Variants in WBP1L observed in about 807,000 individuals in gnomAD.
The protein encoded by WBP1L is WW domain binding protein 1 like.
A neutral mutation model predicts 33.7 loss-of-function variants in WBP1L; 17 were observed. The observed-to-expected ratio is 0.50, with a 90% confidence interval of 0.34 to 0.76. The LOEUF (loss-of-function observed/expected upper bound fraction) is 0.76, where lower values mean the gene tolerates loss of function less well. WBP1L is among the 30% of genes least tolerant of loss of function. The probability of loss-of-function intolerance (pLI) is 0.01; values close to 1 mark genes in which losing one functional copy is unlikely to be tolerated. For missense variants in WBP1L, 389 were observed against 469.4 expected (o/e 0.83, Z 1.58); for synonymous variants, 173 against 190.8 (o/e 0.91, Z 0.77).
intron 1 of WBP1L, among the ~76,000 whole-genome samples, chr10:102,758,682 G>A (rs960847388): frequency 6.6e-6 from 1 of 152,182 alleles, no homozygotes; most frequent in Non-Finnish European, 1.5e-5. Context: ...AGCTGGGCCT[G>A]GGGGACCACT....
Position 102,804,425 on chromosome 10 carries a change from A to ATTTTTT in WBP1L, c.194-5468_194-5467insTTTTTT, listed in dbSNP as rs1564769144. Among the ~76,000 whole-genome samples, 213 of 150,284 alleles carry ATTTTTT rather than the reference A, an allele frequency of 1.4e-3. 1 individual carries two copies. The highest frequency in any genetic ancestry group is 4.9e-3 in the African/African-American group (198 of 40,710). On this transcript the variant is annotated intron_variant, in intron 2 of 3. Transcript: ENST00000448841. ...AAAAAAGCCCTTTTTTTTTTAAAAA[A>ATTTTTT]AAAATTATACTTCTGGTTCAGTGAA...
chr10:102,790,503 A>G (rs1185314368), intron 1 of WBP1L, among the ~76,000 whole-genome samples: 1 of 151,958 alleles, frequency 6.6e-6, no homozygotes, highest in African/African-American at 2.4e-5. Context: ...CTTATCTTCA[A>G]CAGAACTTTA....
chr10:102,769,723 G>A (rs973245880), intron 1 of WBP1L, among the ~76,000 whole-genome samples: 2 of 152,196 alleles, frequency 1.3e-5, no homozygotes, highest in Admixed American at 6.5e-5. Flanking sequence ...GTCCTTGAAC[G>A]AGTTACCTAA....
chr10:102,791,067 T>C (rs1196515505), intron 1 of WBP1L, among the ~76,000 whole-genome samples: 1 of 152,228 alleles, frequency 6.6e-6, no homozygotes, highest in African/African-American at 2.4e-5. Flanking sequence ...AGTGGGCTAA[T>C]GTTTTTTCTA....
chr10:102,775,200 A>G (rs888096427), intron 1 of WBP1L, among the ~76,000 whole-genome samples: 9 of 152,004 alleles, frequency 5.9e-5, no homozygotes, highest in Admixed American at 5.2e-4. Flanking sequence ...ATTTCTGGAA[A>G]TCCGAACCCA....
intron 1 of WBP1L, among the ~76,000 whole-genome samples, chr10:102,780,030 A>G (rs538053077): frequency 1.3e-5 from 2 of 152,344 alleles, no homozygotes; most frequent in African/African-American, 2.4e-5. Context: ...GGGCAAGATA[A>G]GGACCTTAGT....
chr10:102,744,575 A>G (rs557705502), intron 1 of WBP1L: 1 of 835,734 alleles, frequency 1.2e-6, no homozygotes, highest in African/African-American at 1.8e-5. Flanking sequence ...TTCTTTAAGG[A>G]TGGACTGGGG....
intron 1 of WBP1L, among the ~76,000 whole-genome samples, chr10:102,778,442 T>C (rs1423004283): frequency 6.6e-6 from 1 of 152,062 alleles, no homozygotes; most frequent in Non-Finnish European, 1.5e-5. Flanking sequence ...GGACATGTAG[T>C]GAGAGAATGA....
At chr10:102,763,593 CT>C (rs542658860) in intron 1 of WBP1L, among the ~76,000 whole-genome samples, 83 of 152,280 alleles carry the variant, frequency 5.5e-4, no homozygotes, top group African/African-American at 1.8e-3. Flanking sequence ...AAGTCTCCCC[CT>C]GGGCATTCTT....
At chr10:102,784,428 T>C (rs1409070166) in intron 1 of WBP1L, among the ~76,000 whole-genome samples, 5 of 144,442 alleles carry the variant, frequency 3.5e-5, no homozygotes, top group African/African-American at 5.1e-5. Flanking sequence ...TTTCTTTTTT[T>C]TTTTTTTTTT....
chr10:102,782,185 C>G (rs1461183001), intron 1 of WBP1L, among the ~76,000 whole-genome samples: 1 of 150,706 alleles, frequency 6.6e-6, no homozygotes, highest in Non-Finnish European at 1.5e-5. Flanking sequence ...AATTTTTGAA[C>G]CCCCAACCAT....
intron 1 of WBP1L, among the ~76,000 whole-genome samples, chr10:102,768,204 A>G (rs1048629255): frequency 6.6e-6 from 1 of 151,546 alleles, no homozygotes; most frequent in Non-Finnish European, 1.5e-5. Flanking sequence ...CCTCCCAAGT[A>G]GCTGAGTTTA....
At chr10:102,793,726 A>G (rs1843534536) in intron 1 of WBP1L, among the ~76,000 whole-genome samples, 1 of 152,056 alleles carries the variant, frequency 6.6e-6, no homozygotes, top group African/African-American at 2.4e-5. Context: ...TCACACAGTT[A>G]ATAGCCCTAC....
chr10:102,761,339 T>C (rs1353443989), intron 1 of WBP1L, among the ~76,000 whole-genome samples: 1 of 151,310 alleles, frequency 6.6e-6, no homozygotes, highest in Non-Finnish European at 1.5e-5. Flanking sequence ...GGGGTTTTCC[T>C]GTGTTGATCA....
intron 3 of WBP1L, among the ~76,000 whole-genome samples, chr10:102,811,651 C>T (rs958987660): frequency 6.6e-6 from 1 of 152,172 alleles, no homozygotes; most frequent in Non-Finnish European, 1.5e-5. Flanking sequence ...GCTGGGACTA[C>T]AAGACCATGC....
Position 102,744,012 on chromosome 10 carries a change from G to T in WBP1L, c.-42G>T. ...GAGGAGGAGAGGGAGGAGGAGGAGG[G>T]AGGTGGCGGCGCCGTGGCGGAGGAG... On this transcript the variant is annotated 5_prime_UTR_variant, in exon 1 of 4. Coordinates refer to ENST00000448841, the MANE Select transcript of WBP1L (RefSeq NM_001083913.2). 1 of 1,426,188 alleles carries T rather than the reference G, an allele frequency of 7.0e-7. No individual in the cohort carries two copies. 88.3% of individuals were successfully genotyped at this position (1,426,188 alleles called of 1,614,324 possible). A position where few individuals can be genotyped will look rare whatever the true frequency, so the allele number is the denominator to read the frequency against.
chr10:102,746,638 A>G (rs1283533187), intron 1 of WBP1L, among the ~76,000 whole-genome samples: 1 of 151,794 alleles, frequency 6.6e-6, no homozygotes, highest in Non-Finnish European at 1.5e-5. Context: ...GGTTGCTTGT[A>G]CAAATCAGTA....
intron 1 of WBP1L, among the ~76,000 whole-genome samples, chr10:102,791,298 G>A (rs553355296): frequency 6.6e-6 from 1 of 151,790 alleles, no homozygotes; most frequent in South Asian, 2.1e-4. Flanking sequence ...AAAAGTGATT[G>A]TTGTATAGCC....
chr10:102,794,958 A>T (rs1398970511), intron 1 of WBP1L, among the ~76,000 whole-genome samples: 1 of 152,138 alleles, frequency 6.6e-6, no homozygotes, highest in Non-Finnish European at 1.5e-5. Flanking sequence ...GACAGTTCCC[A>T]TAACCAAGAC....
Sources: gnomAD v4.1 joint callset for allele counts (sites outside exome capture counted in the v4.1 genomes callset) on GRCh38, gnomAD v4.1.1 for gene constraint, MANE v1.5 for transcripts, NCBI Gene and HGNC (gene_info 2026-07-23, HGNC 2026-07-21) for gene names.